The following RSF1 variants were observed in gnomAD, a reference collection of about 807,000 sequenced individuals.
RSF1 encodes the protein remodeling and spacing factor 1.
Under a neutral mutation model 145.2 loss-of-function variants are expected in RSF1, and 13 were observed. The observed-to-expected ratio is 0.09, with a 90% CI of 0.06 to 0.14. RSF1 has a LOEUF of 0.14. Ranked by LOEUF, RSF1 falls within the 10% of genes least tolerant of loss-of-function variation. The pLI, the probability that RSF1 is intolerant of heterozygous loss-of-function variation, is 1.00. For missense variants in RSF1, 1,517 were observed against 1,718.2 expected, an observed-to-expected ratio of 0.88 and a Z score of 2.07; for synonymous variants, 577 against 592.6, an observed-to-expected ratio of 0.97 and a Z score of 0.38.
chr11:77,789,415 A>G (rs1010531006), intron 1 of RSF1, among the ~76,000 whole-genome samples: 2 of 152,154 alleles, frequency 1.3e-5, no homozygotes, highest in African/African-American at 4.8e-5. Flanking sequence ...GCCCAGTGCC[A>G]CCAGGGCTGA....
chr11:77,735,315 CATG>C, intron 4 of RSF1, among the ~76,000 whole-genome samples: 1 of 152,064 alleles, frequency 6.6e-6, no homozygotes, highest in East Asian at 1.9e-4. Context: ...GTGGTGATGT[CATG>C]GTATGAAATT....
chr11:77,664,083 G>C lies in RSF1; in HGVS notation c.*2834C>G, dbSNP rs1490145619. The C allele has an allele frequency of 6.6e-6, 1 of 152,078 alleles. No individual in the cohort carries two copies. The highest frequency in any genetic ancestry group is 2.4e-5 in the African/African-American group (1 of 41,430). 9.4% of individuals were successfully genotyped at this position (152,078 alleles called of 1,614,324 possible). A position where few individuals can be genotyped will look rare whatever the true frequency, so the allele number is the denominator to read the frequency against. ...AGTGACTGTATTGTCTTTGTATACA[G>C]AACATTTCGTTTTCTAAAATTTTTT... On this transcript the variant is annotated 3_prime_UTR_variant, in exon 16 of 16. Transcript: ENST00000308488.
the RSF1 span, among the ~76,000 whole-genome samples, chr11:77,834,441 GTTT>G: frequency 2.8e-5 from 3 of 105,522 alleles, no homozygotes; most frequent in Non-Finnish European, 5.6e-5. Flanking sequence ...AGTTGATTTT[GTTT>G]TTTTTTTTTT....
At position 77,820,693 on chromosome 11, in the gene RSF1, C is replaced by CCGCTGCCGCCGCCGT. The variant is rs771233039; in HGVS notation, c.7_21dup (p.Thr3_Ala7dup). Reference sequence around the variant, plus strand: ...CAGCCCGGAGGAGCCATCACCGCCGCCGCTGCCGCCGCCGTCGCCATTTTG... The same window carrying CCGCTGCCGCCGCCGT: ...CAGCCCGGAGGAGCCATCACCGCCGCCGCTGCCGCCGCCGTCGCTGCCGCCGCCGTCGCCATTTTG... On this transcript the variant is annotated inframe_insertion, in exon 1 of 16. Coordinates refer to ENST00000308488, the MANE Select transcript of RSF1 (RefSeq NM_016578.4). The CCGCTGCCGCCGCCGT allele has an allele frequency of 1.3e-6, 2 of 1,550,472 alleles. No homozygotes were observed. Among genetic ancestry groups the CCGCTGCCGCCGCCGT allele is most frequent in the Non-Finnish European group, 1.7e-6 (2 of 1,148,358 alleles).
At chr11:77,811,592 G>A (rs1326856519) in intron 1 of RSF1, among the ~76,000 whole-genome samples, 1 of 152,170 alleles carries the variant, frequency 6.6e-6, no homozygotes, top group East Asian at 1.9e-4. Context: ...GCAAGGGAAG[G>A]AAGATGGGGA....
At chr11:77,677,997 T>C in intron 12 of RSF1, 89 bp downstream of exon 12, 1 of 851,102 alleles carries the variant, frequency 1.2e-6, no homozygotes, top group Non-Finnish European at 2.0e-6. Context: ...GGAAAGAGAA[T>C]AAAAACATAT....
chr11:77,801,075 A>G (rs940345622), intron 1 of RSF1, among the ~76,000 whole-genome samples: 13 of 152,164 alleles, frequency 8.5e-5, no homozygotes, highest in African/African-American at 2.9e-4. Context: ...AGAGGATAGA[A>G]CACTTCCCAC....
intron 1 of RSF1, among the ~76,000 whole-genome samples, chr11:77,806,984 G>A (rs1948684137): frequency 6.6e-6 from 1 of 152,200 alleles, no homozygotes; most frequent in Non-Finnish European, 1.5e-5. Flanking sequence ...TAGAAATAGA[G>A]TGAATAAGAG....
At chr11:77,690,983 A>C in intron 9 of RSF1, 176 bp downstream of exon 9, 2 of 543,576 alleles carry the variant, frequency 3.7e-6, no homozygotes, top group East Asian at 5.9e-5. Flanking sequence ...CCAATCATTT[A>C]AAAACATAAA....
At chr11:77,761,031 G>A (rs546299501) in intron 2 of RSF1, among the ~76,000 whole-genome samples, 45 of 151,712 alleles carry the variant, frequency 3.0e-4, no homozygotes, top group Admixed American at 2.3e-3. Flanking sequence ...TGCAACTTCC[G>A]CCTCCCAGAT....
At chr11:77,828,948 G>A in the RSF1 span, among the ~76,000 whole-genome samples, 3 of 152,124 alleles carry the variant, frequency 2.0e-5, no homozygotes, top group Non-Finnish European at 4.4e-5. Flanking sequence ...CAAAGTTGAA[G>A]GACTCACACT....
upstream of RSF1, among the ~76,000 whole-genome samples, chr11:77,824,233 T>C (rs545575307): frequency 6.6e-5 from 10 of 152,248 alleles, no homozygotes; most frequent in Non-Finnish European, 8.8e-5. Context: ...CGACAATTTA[T>C]GTAGTTATAT....
At chr11:77,857,679 A>C in the RSF1 span, among the ~76,000 whole-genome samples, 1 of 150,320 alleles carries the variant, frequency 6.7e-6, no homozygotes, top group Non-Finnish European at 1.5e-5. Flanking sequence ...TGCTGCACCT[A>C]TCAACCCATC....
chr11:77,795,921 C>T (rs535880810), intron 1 of RSF1, among the ~76,000 whole-genome samples: 4 of 152,198 alleles, frequency 2.6e-5, no homozygotes, highest in South Asian at 2.1e-4. Context: ...CTCAGGGATT[C>T]GACTTTTCCT....
intron 1 of RSF1, among the ~76,000 whole-genome samples, chr11:77,770,339 G>A (rs1331188869): frequency 1.3e-5 from 2 of 152,168 alleles, no homozygotes; most frequent in African/African-American, 4.8e-5. Context: ...GCGTGCACCT[G>A]TAGTCCCAGC....
At chr11:77,786,163 T>C (rs1321687163) in intron 1 of RSF1, among the ~76,000 whole-genome samples, 1 of 152,062 alleles carries the variant, frequency 6.6e-6, no homozygotes, top group East Asian at 1.9e-4. Context: ...AGGCTAAGAT[T>C]TCAACCCAGC....
intron 2 of RSF1, among the ~76,000 whole-genome samples, chr11:77,750,891 C>T (rs1403970933): frequency 6.6e-6 from 1 of 152,066 alleles, no homozygotes; most frequent in African/African-American, 2.4e-5. Context: ...GGTCCTATTG[C>T]GTTCTCCTGC....
rs893219377 is a variant in RSF1 at position 77,678,171 on chromosome 11, A to G, written c.3066-18T>C. 1 of 1,475,494 alleles carries G rather than the reference A, an allele frequency of 6.8e-7. No homozygotes were observed. The highest frequency in any genetic ancestry group is 1.7e-5 in the Admixed American group (1 of 59,048). 91.4% of individuals were successfully genotyped at this position (1,475,494 alleles called of 1,614,324 possible). ...CATCAAATCTAAAATATACACAATG[A>G]TCACATTATAGCCTGTCCTGGCTTT... On this transcript the variant is annotated intron_variant, in intron 11 of 15. Coordinates refer to ENST00000308488, the MANE Select transcript of RSF1 (RefSeq NM_016578.4).
At chr11:77,684,312 C>T (rs1412971339) in intron 10 of RSF1, among the ~76,000 whole-genome samples, 1 of 152,160 alleles carries the variant, frequency 6.6e-6, no homozygotes, top group Non-Finnish European at 1.5e-5. Context: ...ATTTTATGCA[C>T]TTTCACTCAT....
Sources: gnomAD v4.1 joint callset for allele counts (sites outside exome capture counted in the v4.1 genomes callset) on GRCh38, gnomAD v4.1.1 for gene constraint, MANE v1.5 for transcripts, NCBI Gene and HGNC (gene_info 2026-07-23, HGNC 2026-07-21) for gene names.